Variants in MAGI1 observed in about 807,000 individuals in gnomAD.
MAGI1 encodes the protein membrane-associated guanylate kinase, WW and PDZ domain-containing protein 1.
A neutral mutation model predicts 139.9 loss-of-function variants in MAGI1; 58 were observed. That is an observed-to-expected ratio of 0.41 (90% CI 0.34 to 0.52). MAGI1 has a LOEUF of 0.52. Among genes scored for constraint, MAGI1 ranks in the 20% least tolerant of loss-of-function variants. The probability of loss-of-function intolerance (pLI) is 0.12; values close to 1 mark genes in which losing one functional copy is unlikely to be tolerated. For missense variants in MAGI1, 1,874 were observed against 1,901.6 expected (o/e 0.99, Z 0.27); for synonymous variants, 812 against 737.9 (o/e 1.10, Z -1.63).
intron 2 of MAGI1, chr3:65,619,827 A>G: frequency 1.0e-6 from 1 of 982,242 alleles, no homozygotes; most frequent in Non-Finnish European, 1.2e-6. Flanking sequence ...CATTTTATGA[A>G]GAAAGTGTAA....
intron 1 of MAGI1, among the ~76,000 whole-genome samples, chr3:65,692,431 C>G (rs2088761349): frequency 6.6e-6 from 1 of 152,184 alleles, no homozygotes; most frequent in African/African-American, 2.4e-5. Context: ...CAACCAAACT[C>G]ATATGTTGAA....
chr3:66,031,510 ATAACACAGCCAAT>A (rs2068589210), intron 1 of MAGI1, among the ~76,000 whole-genome samples: 1 of 152,184 alleles, frequency 6.6e-6, no homozygotes, highest in South Asian at 2.1e-4. Flanking sequence ...CTATTTTTAA[ATAACACAGCCAAT>A]GACAAGGGGT....
chr3:65,963,752 G>A (rs537582045), intron 1 of MAGI1, among the ~76,000 whole-genome samples: 2 of 152,162 alleles, frequency 1.3e-5, no homozygotes, highest in East Asian at 3.9e-4. Flanking sequence ...ACTTGAAATC[G>A]CACAACACTC....
At chr3:66,029,731 T>C (rs2068492753) in intron 1 of MAGI1, among the ~76,000 whole-genome samples, 1 of 152,184 alleles carries the variant, frequency 6.6e-6, no homozygotes, top group African/African-American at 2.4e-5. Context: ...ATAAGCCCTG[T>C]GCATTCAAAT....
At chr3:66,031,180 G>A (rs1415305273) in intron 1 of MAGI1, among the ~76,000 whole-genome samples, 1 of 152,192 alleles carries the variant, frequency 6.6e-6, no homozygotes, top group Non-Finnish European at 1.5e-5. Context: ...GGATGTGAAT[G>A]TCAGCCCTTA....
In MAGI1 at chr3:65,554,640, T is replaced by C. The variant is rs377744229; in HGVS notation, c.431-61009A>G. On this transcript the variant is annotated intron_variant, in intron 2 of 22. Coordinates refer to ENST00000402939, the MANE Select transcript of MAGI1 (RefSeq NM_001033057.2). Reference sequence around the variant, plus strand: ...ACAGTTCATTTTGCCTGAAAAATCCTCTTTCTACCCTTCTGTCCATCCAAG... The same window carrying C: ...ACAGTTCATTTTGCCTGAAAAATCCCCTTTCTACCCTTCTGTCCATCCAAG... Among the ~76,000 whole-genome samples, 14 of 152,322 alleles carry C rather than the reference T, an allele frequency of 9.2e-5. No individual in the cohort carries two copies. The East Asian group carries it at 1.9e-3, about 21-fold the overall frequency.
intron 1 of MAGI1, among the ~76,000 whole-genome samples, chr3:65,730,492 C>T (rs1158777345): frequency 1.3e-5 from 2 of 152,200 alleles, no homozygotes; most frequent in Admixed American, 6.5e-5. Context: ...TCTACTTCCC[C>T]TCACGTCTCA....
chr3:65,555,947 A>G (rs2080065882), intron 2 of MAGI1, among the ~76,000 whole-genome samples: 1 of 152,218 alleles, frequency 6.6e-6, no homozygotes, highest in South Asian at 2.1e-4. Context: ...CTAGAATGTA[A>G]GAATGATCAG....
chr3:65,788,042 C>T (rs1212355359), intron 1 of MAGI1, among the ~76,000 whole-genome samples: 2 of 152,198 alleles, frequency 1.3e-5, no homozygotes, highest in African/African-American at 2.4e-5. Flanking sequence ...TCTTCCCCCA[C>T]TTTTACTAGA....
At chr3:65,667,562 C>A (rs1028808631) in intron 1 of MAGI1, among the ~76,000 whole-genome samples, 2 of 152,072 alleles carry the variant, frequency 1.3e-5, no homozygotes, top group African/African-American at 4.8e-5. Flanking sequence ...AAAGAAGAAA[C>A]CAATTGAATT....
At chr3:65,646,677 A>G (rs1559751490) in intron 1 of MAGI1, among the ~76,000 whole-genome samples, 1 of 152,142 alleles carries the variant, frequency 6.6e-6, no homozygotes, top group Non-Finnish European at 1.5e-5. Context: ...ACAAATGTTA[A>G]GCGTCGAAAG....
chr3:65,739,416 G>A (rs1239633799), intron 1 of MAGI1, among the ~76,000 whole-genome samples: 1 of 152,136 alleles, frequency 6.6e-6, no homozygotes, highest in Non-Finnish European at 1.5e-5. Flanking sequence ...CAATAAGGAT[G>A]TTGCACTTTC....
intron 12 of MAGI1, among the ~76,000 whole-genome samples, chr3:65,410,717 TA>T (rs1333329063): frequency 1.3e-5 from 2 of 152,138 alleles, no homozygotes; most frequent in Non-Finnish European, 2.9e-5. Flanking sequence ...ATCAATTTCT[TA>T]ACACATCCCT....
intron 1 of MAGI1, among the ~76,000 whole-genome samples, chr3:65,647,055 A>G (rs1400894304): frequency 1.3e-5 from 2 of 152,136 alleles, no homozygotes; most frequent in Non-Finnish European, 2.9e-5. Flanking sequence ...GAAAGTAAAA[A>G]CAGAAAACAA....
chr3:65,804,933 AACTCAAG>A (rs2040754712), intron 1 of MAGI1, among the ~76,000 whole-genome samples: 1 of 152,226 alleles, frequency 6.6e-6, no homozygotes, highest in African/African-American at 2.4e-5. Flanking sequence ...TACAAAAATT[AACTCAAG>A]ATGGATTCAA....
At chr3:65,965,912 CA>C (rs2107136191) in intron 1 of MAGI1, among the ~76,000 whole-genome samples, 1 of 152,288 alleles carries the variant, frequency 6.6e-6, no homozygotes, top group Admixed American at 6.5e-5. Flanking sequence ...CTCCACCTCC[CA>C]AAGTGCTGGG....
intron 1 of MAGI1, among the ~76,000 whole-genome samples, chr3:65,829,179 G>A (rs1025094881): frequency 6.6e-6 from 1 of 152,148 alleles, no homozygotes; most frequent in African/African-American, 2.4e-5. Context: ...TTCTGTTTGT[G>A]GTAATTCACT....
intron 1 of MAGI1, among the ~76,000 whole-genome samples, chr3:66,011,888 T>C (rs1044488311): frequency 1.4e-5 from 2 of 146,306 alleles, no homozygotes; most frequent in Admixed American, 1.4e-4. Context: ...GGCCAGGTAA[T>C]AGTATTAAGT....
At chr3:66,021,269 C>T (rs1367260740) in intron 1 of MAGI1, among the ~76,000 whole-genome samples, 1 of 152,068 alleles carries the variant, frequency 6.6e-6, no homozygotes, top group Non-Finnish European at 1.5e-5. Flanking sequence ...AAAGAATATT[C>T]CATCATCACA....
Sources: gnomAD v4.1 joint callset for allele counts (sites outside exome capture counted in the v4.1 genomes callset) on GRCh38, gnomAD v4.1.1 for gene constraint, MANE v1.5 for transcripts, NCBI Gene and HGNC (gene_info 2026-07-23, HGNC 2026-07-21) for gene names.